Variants in CCNY observed in about 807,000 individuals in gnomAD.
The protein encoded by CCNY is cyclin Y.
CCNY carries 19 observed loss-of-function variants against 42.8 expected under a neutral mutation model. The observed-to-expected ratio is 0.44, with a 90% CI of 0.31 to 0.65. The LOEUF (loss-of-function observed/expected upper bound fraction) is 0.65. CCNY is among the 30% of genes least tolerant of loss of function. The pLI is 0.07. For synonymous variants in CCNY, 165 were observed against 162.7 expected, an observed-to-expected ratio of 1.01 and a Z score of -0.11; for missense variants, 370 against 437.3, an observed-to-expected ratio of 0.85 and a Z score of 1.37.
intron 1 of CCNY, among the ~76,000 whole-genome samples, chr10:35,369,101 C>T (rs1836873663): frequency 6.6e-6 from 1 of 152,218 alleles, no homozygotes; most frequent in South Asian, 2.1e-4. Flanking sequence ...CAGGGCCAAA[C>T]ATTCAAAAAG....
intron 1 of CCNY, among the ~76,000 whole-genome samples, chr10:35,382,270 T>C (rs1837202775): frequency 6.6e-6 from 1 of 152,214 alleles, no homozygotes; most frequent in African/African-American, 2.4e-5. Flanking sequence ...GGTACAGCTT[T>C]GTCTCACTTT....
In CCNY at chr10:35,433,304, C is replaced by G. The variant is rs539863020; in HGVS notation, c.155-50100C>G. Among the ~76,000 whole-genome samples the G allele has an allele frequency of 4.6e-5, 7 of 152,234 alleles. No homozygotes were observed. The South Asian group carries it at 6.2e-4, about 14-fold the overall frequency. On this transcript the variant is annotated intron_variant, in intron 1 of 9. Coordinates refer to ENST00000374704, the MANE Select transcript of CCNY (RefSeq NM_145012.6). ...ATACATTTTTCCTTTGTACTCTCTT[C>G]TCAGCTTTTAAATTTACTTTTTTCA...
intron 1 of CCNY, among the ~76,000 whole-genome samples, chr10:35,444,626 A>G (rs912086151): frequency 2.6e-5 from 4 of 152,224 alleles, no homozygotes; most frequent in African/African-American, 9.6e-5. Flanking sequence ...GTTGCACTAC[A>G]TTATGATGTC....
At chr10:35,500,744 A>T (rs1185351049) in intron 2 of CCNY, among the ~76,000 whole-genome samples, 13 of 152,158 alleles carry the variant, frequency 8.5e-5, no homozygotes, top group Admixed American at 7.2e-4. Context: ...CCTGTGACTG[A>T]CCCTTCTACC....
At chr10:35,408,382 G>C (rs1445956623) in intron 1 of CCNY, among the ~76,000 whole-genome samples, 2 of 152,336 alleles carry the variant, frequency 1.3e-5, no homozygotes, top group African/African-American at 4.8e-5. Context: ...GGCAGGCTGA[G>C]TCAGAAAAGA....
chr10:35,328,368 A>AT (rs1433442230), intron 3 of CCNY, among the ~76,000 whole-genome samples: 1 of 152,230 alleles, frequency 6.6e-6, no homozygotes, highest in East Asian at 1.9e-4. Context: ...TGGAGCTGGG[A>AT]TATAGGCAGA....
At chr10:35,400,689 T>C (rs1048086310) in intron 1 of CCNY, among the ~76,000 whole-genome samples, 1 of 152,192 alleles carries the variant, frequency 6.6e-6, no homozygotes, top group Admixed American at 6.5e-5. Context: ...TTAAACAGTA[T>C]TTTTGATGGG....
At chr10:35,438,348 A>C (rs1335793814) in intron 1 of CCNY, among the ~76,000 whole-genome samples, 1 of 151,762 alleles carries the variant, frequency 6.6e-6, no homozygotes, top group African/African-American at 2.4e-5. Context: ...TAGAGATAAG[A>C]TCTCACTATG....
chr10:35,467,166 A>G (rs1839286882), intron 1 of CCNY, among the ~76,000 whole-genome samples: 1 of 152,228 alleles, frequency 6.6e-6, no homozygotes. Flanking sequence ...CGTGAGTAGA[A>G]TGTATTTCTA....
chr10:35,417,980 A>G (rs1325592961), intron 1 of CCNY, among the ~76,000 whole-genome samples: 1 of 152,222 alleles, frequency 6.6e-6, no homozygotes, highest in East Asian at 1.9e-4. Context: ...AGTAAGTCTA[A>G]AAAAGCTCTA....
Position 35,347,749 on chromosome 10 carries a change from A to G in CCNY, c.154+10542A>G, listed in dbSNP as rs375680397. 3.9e-4 allele frequency among the ~76,000 whole-genome samples: 59 copies of G among 152,288 alleles called. 1 individual carries two copies. The South Asian group carries it at 0.012, about 31-fold the overall frequency. On this transcript the variant is annotated intron_variant, in intron 1 of 9. Coordinates refer to ENST00000374704, the MANE Select transcript of CCNY (RefSeq NM_145012.6). The stretch of plus-strand genomic sequence containing the variant: ...TAGAATTCTGTCTATTAATGATTAT[A>G]TGATCTTAGGATTTTAATTGACTTT...
At chr10:35,553,487 G>A (rs566015799) in intron 8 of CCNY, among the ~76,000 whole-genome samples, 2 of 152,318 alleles carry the variant, frequency 1.3e-5, no homozygotes, top group South Asian at 4.1e-4. Flanking sequence ...AGCACTGATA[G>A]CAGCCTGTGA....
intron 1 of CCNY, among the ~76,000 whole-genome samples, chr10:35,420,865 A>C (rs1838144324): frequency 6.6e-6 from 1 of 152,206 alleles, no homozygotes; most frequent in South Asian, 2.1e-4. Context: ...CTAATTTCAA[A>C]ATCTTATTTG....
chr10:35,264,189 A>G (rs921331780), intron 3 of CCNY, among the ~76,000 whole-genome samples: 3 of 152,106 alleles, frequency 2.0e-5, no homozygotes, highest in Non-Finnish European at 4.4e-5. Flanking sequence ...TCCTTTGGGT[A>G]TATACCCAGT....
At chr10:35,290,181 G>A (rs184596324) in intron 3 of CCNY, among the ~76,000 whole-genome samples, 75 of 149,914 alleles carry the variant, frequency 5.0e-4, no homozygotes, top group African/African-American at 1.6e-3. Context: ...AGCAGAGATC[G>A]CACCACTGCA....
chr10:35,566,277 C>G, intron 9 of CCNY, 92 bp downstream of exon 9: 1 of 1,259,236 alleles, frequency 7.9e-7, no homozygotes, highest in Non-Finnish European at 1.1e-6. Context: ...GATCATTTCC[C>G]CCACTACATG....
rs113166520 is a variant in CCNY at position 35,345,642 on chromosome 10, C to G, written c.154+8435C>G. On this transcript the variant is annotated intron_variant, in intron 1 of 9. Coordinates refer to ENST00000374704, the MANE Select transcript of CCNY (RefSeq NM_145012.6). ...GTGAAGTGTGCTCCAGTATCTCCACCTAATTATGTTTGGACTGTCCATAGT... is the reference window on the plus strand; with the variant it reads ...GTGAAGTGTGCTCCAGTATCTCCACGTAATTATGTTTGGACTGTCCATAGT... Among the ~76,000 whole-genome samples the G allele has an allele frequency of 3.4e-3, 512 of 152,214 alleles. 4 individuals carry two copies. Among genetic ancestry groups the G allele is most frequent in the African/African-American group, 0.012 (482 of 41,524 alleles).
intron 1 of CCNY, among the ~76,000 whole-genome samples, chr10:35,465,285 G>A (rs934339566): frequency 5.5e-5 from 8 of 144,348 alleles, no homozygotes; most frequent in Non-Finnish European, 7.7e-5. Context: ...TCCCCGCCCC[G>A]CCCCTGCCTT....
At chr10:35,304,124 A>G (rs1301891801) in intron 3 of CCNY, among the ~76,000 whole-genome samples, 2 of 152,236 alleles carry the variant, frequency 1.3e-5, no homozygotes, top group East Asian at 3.9e-4. Flanking sequence ...GTCTTTCAGT[A>G]GCTTTGCACC....
Sources: allele counts gnomAD v4.1 joint callset (sites outside exome capture counted in the v4.1 genomes callset), GRCh38; gene constraint gnomAD v4.1.1; transcripts MANE v1.5; gene names NCBI Gene and HGNC (gene_info 2026-07-23, HGNC 2026-07-21).